The following MYLK2 variants were observed in gnomAD, a reference collection of about 807,000 sequenced individuals.
MYLK2 encodes the protein myosin light chain kinase 2, skeletal/cardiac muscle.
In MYLK2, 27 loss-of-function variants were observed where a neutral mutation model predicts 58.2. The observed-to-expected ratio is 0.46, with a 90% CI of 0.34 to 0.64. The LOEUF (loss-of-function observed/expected upper bound fraction) is 0.64, where lower values mean the gene tolerates loss of function less well. MYLK2 is among the 30% of genes least tolerant of loss of function. The pLI is 0.01. For synonymous variants in MYLK2, 310 were observed against 296.7 expected, an observed-to-expected ratio of 1.04 and a Z score of -0.46; for missense variants, 676 against 764.3, an observed-to-expected ratio of 0.88 and a Z score of 1.36.
rs768640764 is a variant in MYLK2 at position 31,820,207 on chromosome 20, C to T, written c.134C>T (p.Pro45Leu). The T allele has an allele frequency of 1.0e-4, 162 of 1,613,928 alleles. No homozygotes were observed. Among genetic ancestry groups the T allele is most frequent in the Admixed American group, 1.0e-4 (6 of 60,014 alleles). Residue 45 changes from proline (P) to leucine (L), a missense_variant, in exon 3 of 13, where the codon CCG becomes CTG. Transcript: ENST00000375985. ...GGCCCCCCAGACCCAAAGAAAGCTC[C>T]GGATCCACCCACCCTGAAGAAAGAT... is the stretch of plus-strand genomic sequence containing the variant. ...DPGPPDPKKA[P>L]DPPTLKKDAK...
intron 6 of MYLK2, among the ~76,000 whole-genome samples, chr20:31,826,163 G>A (rs1393918263): frequency 6.6e-6 from 1 of 152,164 alleles, no homozygotes; most frequent in Non-Finnish European, 1.5e-5. Flanking sequence ...TCTAATTTTG[G>A]ACATGATAGA....
At chr20:31,831,932 T>C in intron 11 of MYLK2, 72 bp from the exon 12 acceptor site, 1 of 1,613,036 alleles carries the variant, frequency 6.2e-7, no homozygotes, top group Non-Finnish European at 8.5e-7. Flanking sequence ...GGGAGCCAGG[T>C]AGAGAGGCCA....
At chr20:31,831,898 A>G in intron 11 of MYLK2, 43 bp downstream of exon 11, 1 of 1,613,840 alleles carries the variant, frequency 6.2e-7, no homozygotes, top group Non-Finnish European at 8.5e-7. Context: ...GTGCAAGCTT[A>G]GTGTGTCTGA....
intron 6 of MYLK2, 44 bp from the exon 7 acceptor site, chr20:31,826,561 A>G: frequency 6.2e-7 from 1 of 1,612,622 alleles, no homozygotes; most frequent in Non-Finnish European, 8.5e-7. Context: ...GGTGGCAGGG[A>G]GTGATGGTGC....
chr20:31,833,791 G>A lies in MYLK2; in HGVS notation c.1785G>A (p.Gly595=), dbSNP rs1418961002. 13 of 1,612,480 alleles carry A rather than the reference G, an allele frequency of 8.1e-6. No individual in the cohort carries two copies. Among genetic ancestry groups the A allele is most frequent in the African/African-American group, 1.3e-5 (1 of 74,980 alleles). Residue 595 remains glycine, a synonymous_variant, in exon 13 of 13, where the codon GGG becomes GGA. Transcript: ENST00000375985. Reference sequence around the variant, plus strand: ...GCTCGGGGGCACTGATGGCTCTGGGGGTCTGAGCCCTGGGCGCAGCTGAAG... The same window carrying A: ...GCTCGGGGGCACTGATGGCTCTGGGAGTCTGAGCCCTGGGCGCAGCTGAAG... ...ISSSGALMAL[G]V
Position 31,822,972 on chromosome 20 carries a change from C to T in MYLK2, c.773-505C>T, listed in dbSNP as rs141048283. ...CCTTCAGGGCGAGCGGTTCCCCACA[C>T]TTGCCGCTAGGTGGCGCCCTCTCCC... On this transcript the variant is annotated intron_variant, in intron 4 of 12. Coordinates refer to ENST00000375985, the MANE Select transcript of MYLK2 (RefSeq NM_033118.4). Among the ~76,000 whole-genome samples, 847 of 152,296 alleles carry T rather than the reference C, an allele frequency of 5.6e-3. 13 individuals carry two copies. Among genetic ancestry groups the T allele is most frequent in the African/African-American group, 0.02 (821 of 41,560 alleles).
intron 3 of MYLK2, 99 bp downstream of exon 3, chr20:31,820,645 A>G (rs2062248294): frequency 1.4e-6 from 2 of 1,392,836 alleles, no homozygotes; most frequent in Non-Finnish European, 2.0e-6. Context: ...CATCACATTC[A>G]GTGCTGGGGA....
Position 31,831,036 on chromosome 20 carries a change from A to G in MYLK2, c.1319A>G (p.Lys440Arg), listed in dbSNP as rs752755516. Residue 440 changes from lysine (K) to arginine (R), a missense_variant, in exon 10 of 13, where the codon AAG (lysine) becomes AGG (arginine). By Grantham distance (26) the Lys-to-Arg change is conservative (BLOSUM62 2). Coordinates refer to ENST00000375985, the MANE Select transcript of MYLK2 (RefSeq NM_033118.4). ...ARRYNPNEKL[K>R]VNFGTPEFLS... Reference sequence around the variant, plus strand: ...AGGTATAACCCCAACGAGAAGCTGAAGGTGAACTTTGGGACCCCAGAGTTC... The same window carrying G: ...AGGTATAACCCCAACGAGAAGCTGAGGGTGAACTTTGGGACCCCAGAGTTC... 5.6e-6 allele frequency: 9 copies of G among 1,614,152 alleles called. No homozygotes were observed. The highest frequency in any genetic ancestry group is 2.2e-5 in the East Asian group (1 of 44,878).
chr20:31,832,055 G>T lies in MYLK2; in HGVS notation c.1629G>T (p.Leu543=). 1 of 1,606,928 alleles carries T rather than the reference G, an allele frequency of 6.2e-7. No homozygotes were observed. Among genetic ancestry groups the T allele is most frequent in the East Asian group, 2.2e-5 (1 of 44,636 alleles). The change falls in exon 12 of 13, where the codon CTG becomes CTT. Residue 543 remains leucine (L), a synonymous_variant. Coordinates refer to ENST00000375985, the MANE Select transcript of MYLK2 (RefSeq NM_033118.4). ...QCLAHPWLNN[L]AEKAKRCNRR... The stretch of plus-strand genomic sequence containing the variant: ...TCGCCCATCCCTGGCTCAACAACCT[G>T]GCGGAGAAAGCCAAACGCTGTAACC...
Position 31,819,767 on chromosome 20 carries a change from A to T in MYLK2, c.52+135A>T, listed in dbSNP as rs554142647. On this transcript the variant is annotated intron_variant, in intron 2 of 12. Transcript: ENST00000375985. Reference sequence around the variant, plus strand: ...GGTGCACGGGGGACCCAGAAATCAGAGGAATCTCTGGCTAGGGTTGGGCTG... The same window carrying T: ...GGTGCACGGGGGACCCAGAAATCAGTGGAATCTCTGGCTAGGGTTGGGCTG... 910 of 1,136,326 alleles carry T rather than the reference A, an allele frequency of 8.0e-4. 2 individuals carry two copies. Among genetic ancestry groups the T allele is most frequent in the South Asian group, 1.4e-3 (105 of 74,026 alleles). The allele number at this position is 1,136,326 out of a possible 1,614,324, so 70.4% of individuals were successfully genotyped here.
intron 6 of MYLK2, 138 bp downstream of exon 6, chr20:31,824,490 A>G: frequency 3.3e-6 from 5 of 1,516,144 alleles, no homozygotes; most frequent in Non-Finnish European, 4.4e-6. Context: ...TACTACACAG[A>G]TAGAGAGATG....
rs1317446638 is a variant in MYLK2, at chr20:31,830,843, A to G, written c.1249A>G (p.Thr417Ala). The change falls in exon 9 of 13, where the codon ACC (threonine) becomes GCC (alanine). Residue 417 changes from threonine (T) to alanine (A), a missense_variant. This residue lies in a region of MYLK2 where 370 missense variants were observed against 467.8 expected (regional missense o/e 0.79). Coordinates refer to ENST00000375985, the MANE Select transcript of MYLK2 (RefSeq NM_033118.4). ...LKPENILCVN[T>A]TGHLVKIIDF... is the part of the protein sequence containing the mutation. ...GCCAGAGAACATCCTGTGTGTCAACACCACCGGGCATTTGGTGAAGATCAT... is the reference window on the plus strand; with the variant it reads ...GCCAGAGAACATCCTGTGTGTCAACGCCACCGGGCATTTGGTGAAGATCAT... 1.3e-6 allele frequency: 2 copies of G among 1,589,426 alleles called. No homozygotes were observed. The highest frequency in any genetic ancestry group is 3.4e-5 in the Admixed American group (2 of 58,726).
chr20:31,831,964 G>A (rs774854561), intron 11 of MYLK2, 40 bp from the exon 12 acceptor site: 10 of 1,612,330 alleles, frequency 6.2e-6, no homozygotes, highest in African/African-American at 2.7e-5. Context: ...GGGGCCTCAC[G>A]AGCATGCAGC....
chr20:31,820,475 G>A lies in MYLK2; in HGVS notation c.402G>A (p.Glu134=), dbSNP rs768092962. ...GKPRVGKKAA[E]GQAAARRGSP... ...CCAGGGTGGGCAAGAAGGCAGCAGA[G>A]GGCCAAGCAGCAGCCAGGAGGGGCT... is the stretch of plus-strand genomic sequence containing the variant. The change falls in exon 3 of 13, where the codon GAG becomes GAA. Residue 134 remains glutamate, a synonymous_variant. Transcript: ENST00000375985. 5.0e-6 allele frequency: 8 copies of A among 1,610,278 alleles called. No homozygotes were observed. In the South Asian group the frequency reaches 8.8e-5, roughly 18 times the overall value.
In MYLK2 at chr20:31,831,988, G is replaced by A. The variant is rs765150509; in HGVS notation, c.1578-16G>A. The stretch of plus-strand genomic sequence containing the variant: ...CGAGCATGCAGCCCACCGTCACCAT[G>A]CTGCCTCTCCCCCAGGGCCCGGATG... On this transcript the variant is annotated splice_polypyrimidine_tract_variant and intron_variant, in intron 11 of 12. Transcript: ENST00000375985. The A allele has an allele frequency of 5.6e-6, 9 of 1,611,528 alleles. No homozygotes were observed. In the East Asian group the frequency reaches 1.6e-4, roughly 28 times the overall value.
At chr20:31,821,794 G>A (rs1467837309) in intron 4 of MYLK2, 57 bp downstream of exon 4, 2 of 1,514,508 alleles carry the variant, frequency 1.3e-6, no homozygotes, top group Non-Finnish European at 8.9e-7. Flanking sequence ...GAGGGAAGGG[G>A]GCTGTCAGTC....
At position 31,828,168 on chromosome 20, in the gene MYLK2, G is replaced by T. The variant is rs185083327; in HGVS notation, c.1224+1230G>T. On this transcript the variant is annotated intron_variant, in intron 8 of 12. Transcript: ENST00000375985. ...CTCCCAAAGTGCTGGGATTACATGTGTGAGCCACCGTGCCTGGCCACAGAT... is the reference window on the plus strand; with the variant it reads ...CTCCCAAAGTGCTGGGATTACATGTTTGAGCCACCGTGCCTGGCCACAGAT... The T allele has an allele frequency of 2.7e-5, 27 of 985,288 alleles. No individual in the cohort carries two copies. The African/African-American group carries it at 4.4e-4, about 16-fold the overall frequency. 61.0% of individuals were successfully genotyped at this position (985,288 alleles called of 1,614,324 possible).
chr20:31,832,896 A>AT (rs1345628462), intron 12 of MYLK2, among the ~76,000 whole-genome samples: 1 of 151,648 alleles, frequency 6.6e-6, no homozygotes, highest in African/African-American at 2.4e-5. Context: ...TTTTATTTTT[A>AT]TTTTTTTTAG....
Position 31,821,821 on chromosome 20 carries a change from G to A in MYLK2, c.772+84G>A, listed in dbSNP as rs114835664. 2,129 of 1,416,406 alleles carry A rather than the reference G, an allele frequency of 1.5e-3. 28 individuals are homozygous for A. The African/African-American group carries it at 0.023, about 16-fold the overall frequency. 87.7% of individuals were successfully genotyped at this position (1,416,406 alleles called of 1,614,324 possible). ...CTGTCAGTCCCAAGTCTACCTATTC[G>A]GAGGTCTGAACTGCCCTGAGCCAAG... On this transcript the variant is annotated intron_variant, in intron 4 of 12. Coordinates refer to ENST00000375985, the MANE Select transcript of MYLK2 (RefSeq NM_033118.4).
Sources: gnomAD v4.1 joint callset for allele counts (sites outside exome capture counted in the v4.1 genomes callset) on GRCh38, gnomAD v4.1.1 for gene constraint, gnomAD v4.1.1 regional missense constraint, MANE v1.5 for transcripts, NCBI Gene and HGNC (gene_info 2026-07-23, HGNC 2026-07-21) for gene names.